MTHFD1L: variants seen among roughly 807,000 people sequenced by gnomAD.
The protein encoded by MTHFD1L is monofunctional C1-tetrahydrofolate synthase, mitochondrial.
In MTHFD1L, 81 loss-of-function variants were observed where a neutral mutation model predicts 119.5. That is an observed-to-expected ratio of 0.68 (90% confidence interval 0.57 to 0.82). MTHFD1L has a LOEUF of 0.82. Ranked by LOEUF, MTHFD1L falls within the 40% of genes least tolerant of loss-of-function variation. MTHFD1L has a pLI of 0.00. For synonymous variants in MTHFD1L, 430 were observed against 475.2 expected, an observed-to-expected ratio of 0.90 and a Z score of 1.24; for missense variants, 1,125 against 1,253.4, an observed-to-expected ratio of 0.90 and a Z score of 1.55.
At chr6:151,084,515 G>A (rs1793533111) in intron 26 of MTHFD1L, among the ~76,000 whole-genome samples, 1 of 152,196 alleles carries the variant, frequency 6.6e-6, no homozygotes, top group African/African-American at 2.4e-5. Context: ...CTGGCCCCAA[G>A]CGATCCTCCC....
intron 11 of MTHFD1L, among the ~76,000 whole-genome samples, chr6:150,934,810 G>A (rs553121989): frequency 6.6e-6 from 1 of 152,298 alleles, no homozygotes; most frequent in South Asian, 2.1e-4. Context: ...GGAAGGACGT[G>A]GGGTGCTTAT....
intron 7 of MTHFD1L, among the ~76,000 whole-genome samples, chr6:150,888,692 AAG>A (rs921688569): frequency 9.2e-5 from 14 of 152,222 alleles, no homozygotes; most frequent in African/African-American, 3.4e-4. Context: ...ATAAAGGACA[AAG>A]AGAGTCAAGA....
chr6:151,048,547 G>T (rs1788467376), intron 26 of MTHFD1L, among the ~76,000 whole-genome samples: 1 of 152,134 alleles, frequency 6.6e-6, no homozygotes, highest in Non-Finnish European at 1.5e-5. Context: ...TCTGCTGCCA[G>T]TGAAACTCAC....
intron 8 of MTHFD1L, among the ~76,000 whole-genome samples, chr6:150,911,906 T>C (rs1335513562): frequency 6.6e-6 from 1 of 152,124 alleles, no homozygotes; most frequent in Non-Finnish European, 1.5e-5. Flanking sequence ...ACCACCCCCA[T>C]GATTCAAATT....
intron 1 of MTHFD1L, chr6:150,866,521 G>C (rs900799229): frequency 1.3e-5 from 17 of 1,287,554 alleles, no homozygotes; most frequent in South Asian, 2.4e-5. Context: ...AGGCGGGCTC[G>C]GGCCCAGCGC....
At chr6:151,089,474 G>A (rs553725710) in intron 26 of MTHFD1L, among the ~76,000 whole-genome samples, 4 of 152,270 alleles carry the variant, frequency 2.6e-5, no homozygotes, top group East Asian at 3.9e-4. Flanking sequence ...ATGGTGGCAG[G>A]TGCCTATAAT....
chr6:150,885,093 A>G (rs1228287092), intron 5 of MTHFD1L, among the ~76,000 whole-genome samples: 1 of 152,198 alleles, frequency 6.6e-6, no homozygotes, highest in African/African-American at 2.4e-5. Flanking sequence ...GGAACACCCA[A>G]TGTCAGGGCC....
chr6:151,066,208 G>A (rs547050804), intron 26 of MTHFD1L, among the ~76,000 whole-genome samples: 10 of 152,108 alleles, frequency 6.6e-5, no homozygotes, highest in East Asian at 1.9e-4. Context: ...AGGCCGAGGC[G>A]GGCGGATCAT....
intron 25 of MTHFD1L, among the ~76,000 whole-genome samples, chr6:151,036,574 A>G (rs1786202545): frequency 6.6e-6 from 1 of 152,230 alleles, no homozygotes; most frequent in Admixed American, 6.5e-5. Flanking sequence ...AGTGAACAAC[A>G]TGAGTAAGAG....
chr6:150,927,857 C>T (rs188528540), intron 11 of MTHFD1L, among the ~76,000 whole-genome samples: 1 of 152,182 alleles, frequency 6.6e-6, no homozygotes, highest in East Asian at 1.9e-4. Flanking sequence ...CTTCTGGCAC[C>T]TCTAGTTCCA....
chr6:150,974,473 C>T lies in MTHFD1L; in HGVS notation c.2125+2415C>T, dbSNP rs116949259. On this transcript the variant is annotated intron_variant, in intron 20 of 27. Coordinates refer to ENST00000367321, the MANE Select transcript of MTHFD1L (RefSeq NM_015440.5). ...ACCATCTTCACCATTTTTGAGTGTA[C>T]GTTCATTAGTGAAGTACACCTTCAT... Among the ~76,000 whole-genome samples the T allele has an allele frequency of 4.9e-3, 739 of 152,204 alleles. 2 individuals carry two copies. The highest frequency in any genetic ancestry group is 0.01 in the Middle Eastern group (3 of 294).
intron 24 of MTHFD1L, among the ~76,000 whole-genome samples, chr6:151,033,713 A>G (rs112707060): frequency 1.3e-5 from 2 of 152,150 alleles, no homozygotes; most frequent in Non-Finnish European, 2.9e-5. Flanking sequence ...CTGATTTTCC[A>G]ATATAGTGTT....
chr6:151,090,540 T>C (rs1235570604), intron 26 of MTHFD1L, among the ~76,000 whole-genome samples: 2 of 152,012 alleles, frequency 1.3e-5, no homozygotes, highest in Non-Finnish European at 2.9e-5. Context: ...CTAAACACCA[T>C]GCAGGGAGGA....
At chr6:150,977,254 C>A (rs1776714096) in intron 20 of MTHFD1L, among the ~76,000 whole-genome samples, 1 of 152,124 alleles carries the variant, frequency 6.6e-6, no homozygotes, top group Non-Finnish European at 1.5e-5. Context: ...CTGATTTAGT[C>A]TAATTTTTGT....
intron 20 of MTHFD1L, among the ~76,000 whole-genome samples, chr6:150,984,596 A>G (rs1304393462): frequency 6.6e-6 from 1 of 151,938 alleles, no homozygotes; most frequent in African/African-American, 2.4e-5. Context: ...AGGAAGATAA[A>G]TAAAGTAAAA....
At chr6:151,096,213 T>C (rs1179896893) in intron 27 of MTHFD1L, among the ~76,000 whole-genome samples, 1 of 152,222 alleles carries the variant, frequency 6.6e-6, no homozygotes, top group Non-Finnish European at 1.5e-5. Flanking sequence ...TTAAAAGCTA[T>C]GATTTTGTCA....
chr6:151,052,737 A>T (rs572507650), intron 26 of MTHFD1L, among the ~76,000 whole-genome samples: 2 of 152,292 alleles, frequency 1.3e-5, no homozygotes, highest in Non-Finnish European at 2.9e-5. Context: ...TGTGTGAATG[A>T]TGGTCCCCTC....
At chr6:151,000,361 T>C (rs1280266771) in intron 20 of MTHFD1L, among the ~76,000 whole-genome samples, 2 of 147,742 alleles carry the variant, frequency 1.4e-5, no homozygotes, top group Non-Finnish European at 3.0e-5. Flanking sequence ...AAGAAAAAAA[T>C]TGAGGTTTGT....
chr6:150,996,060 T>A (rs969325250), intron 20 of MTHFD1L, among the ~76,000 whole-genome samples: 4 of 152,226 alleles, frequency 2.6e-5, no homozygotes, highest in African/African-American at 9.6e-5. Flanking sequence ...AAGGCTATTA[T>A]CTGTAGTTTG....
Sources: allele counts gnomAD v4.1 joint callset (sites outside exome capture counted in the v4.1 genomes callset), GRCh38; gene constraint gnomAD v4.1.1; transcripts MANE v1.5; gene names NCBI Gene and HGNC (gene_info 2026-07-23, HGNC 2026-07-21).